The following TENM4 variants were observed in gnomAD, a reference collection of about 807,000 sequenced individuals.
The protein encoded by TENM4 is teneurin transmembrane protein 4.
TENM4 carries 82 observed loss-of-function variants against 243.3 expected under a neutral mutation model. The ratio of observed to expected loss-of-function variants is 0.34; its 90% CI spans 0.28 to 0.40. TENM4 has a LOEUF of 0.40. Ranked by LOEUF, TENM4 falls within the 10% of genes least tolerant of loss-of-function variation. The probability of loss-of-function intolerance (pLI) is 1.00; values close to 1 mark genes in which losing one functional copy is unlikely to be tolerated. For synonymous variants in TENM4, 1,412 were observed against 1,456.3 expected (o/e 0.97, Z 0.69); for missense variants, 3,138 against 3,673.3 (o/e 0.85, Z 3.77).
intron 32 of TENM4, among the ~76,000 whole-genome samples, chr11:78,668,114 T>G (rs1215111105): frequency 6.6e-6 from 1 of 152,224 alleles, no homozygotes; most frequent in East Asian, 1.9e-4. Flanking sequence ...AAGTACCTCA[T>G]GAAATGTATT....
intron 1 of TENM4, among the ~76,000 whole-genome samples, chr11:79,387,734 G>C (rs1177953077): frequency 6.6e-6 from 1 of 152,192 alleles, no homozygotes; most frequent in Non-Finnish European, 1.5e-5. Flanking sequence ...GCTGGGTGTG[G>C]TGGCTCATGC....
chr11:79,026,009 T>C (rs1859068833), intron 6 of TENM4, among the ~76,000 whole-genome samples: 1 of 152,150 alleles, frequency 6.6e-6, no homozygotes, highest in African/African-American at 2.4e-5. Context: ...TTTTCTTAAA[T>C]ATTTCTAGAT....
intron 15 of TENM4, among the ~76,000 whole-genome samples, chr11:78,798,106 C>T (rs1464944314): frequency 1.3e-5 from 2 of 152,246 alleles, no homozygotes; most frequent in Non-Finnish European, 2.9e-5. Context: ...TAAAGCATCT[C>T]ACTCAGTCTT....
rs548888310 is a variant in TENM4 at position 78,897,494 on chromosome 11, A to G, written c.749+5774T>C. On this transcript the variant is annotated intron_variant, in intron 7 of 33. Coordinates refer to ENST00000278550, the MANE Select transcript of TENM4 (RefSeq NM_001098816.3). Reference sequence around the variant, plus strand: ...GTGAAGAATGAAGTTAACATGTGCCAAGAACTTAGAACAGCACCTGGCCGT... The same window carrying G: ...GTGAAGAATGAAGTTAACATGTGCCGAGAACTTAGAACAGCACCTGGCCGT... 3.3e-5 allele frequency among the ~76,000 whole-genome samples: 5 copies of G among 152,282 alleles called. No homozygotes were observed. The South Asian group carries it at 1.0e-3, about 32-fold the overall frequency.
intron 4 of TENM4, among the ~76,000 whole-genome samples, chr11:79,109,371 C>G (rs1012905488): frequency 1.3e-5 from 2 of 152,160 alleles, no homozygotes; most frequent in African/African-American, 4.8e-5. Flanking sequence ...GGGGAGCTTC[C>G]TTCAGCCTGA....
At chr11:79,041,599 G>A (rs1031164921) in intron 6 of TENM4, among the ~76,000 whole-genome samples, 1 of 151,480 alleles carries the variant, frequency 6.6e-6, no homozygotes, top group Non-Finnish European at 1.5e-5. Context: ...ATACATTTTT[G>A]TATCTGTTTA....
chr11:79,417,144 G>C (rs1247087339), intron 1 of TENM4, among the ~76,000 whole-genome samples: 1 of 152,168 alleles, frequency 6.6e-6, no homozygotes, highest in Non-Finnish European at 1.5e-5. Flanking sequence ...CTGAAGAAAT[G>C]GCTTAAAAGA....
chr11:79,175,017 C>T (rs1565235925), intron 3 of TENM4, among the ~76,000 whole-genome samples: 2 of 152,180 alleles, frequency 1.3e-5, no homozygotes, highest in Non-Finnish European at 2.9e-5. Flanking sequence ...ATATCTCTAT[C>T]TATACATCTG....
chr11:78,822,410 T>C (rs1250634262), intron 12 of TENM4, among the ~76,000 whole-genome samples: 5 of 152,252 alleles, frequency 3.3e-5, no homozygotes, highest in African/African-American at 1.2e-4. Flanking sequence ...TGGATGGCTT[T>C]AGTGATTGGT....
At chr11:78,933,029 T>C (rs532057261) in intron 6 of TENM4, among the ~76,000 whole-genome samples, 3 of 152,244 alleles carry the variant, frequency 2.0e-5, no homozygotes, top group South Asian at 2.1e-4. Context: ...ACAGGGGAGA[T>C]TGATGTACCC....
At chr11:79,054,587 C>T (rs964855562) in intron 6 of TENM4, among the ~76,000 whole-genome samples, 5 of 151,664 alleles carry the variant, frequency 3.3e-5, no homozygotes, top group Non-Finnish European at 7.4e-5. Flanking sequence ...CAGCCTCGAT[C>T]ACCCAGGCCC....
chr11:79,079,798 C>G (rs1440638973), intron 4 of TENM4, among the ~76,000 whole-genome samples: 2 of 148,632 alleles, frequency 1.3e-5, no homozygotes, highest in Non-Finnish European at 3.0e-5. Flanking sequence ...AGCCGCTGCA[C>G]TCCAGTCTGA....
At chr11:78,886,485 T>C (rs1479223083) in intron 9 of TENM4, among the ~76,000 whole-genome samples, 1 of 152,228 alleles carries the variant, frequency 6.6e-6, no homozygotes, top group Non-Finnish European at 1.5e-5. Flanking sequence ...AAGGGTGGGA[T>C]GGCCTGCACA....
At chr11:79,229,178 T>G (rs1223265547) in intron 2 of TENM4, among the ~76,000 whole-genome samples, 1 of 152,250 alleles carries the variant, frequency 6.6e-6, no homozygotes, top group Non-Finnish European at 1.5e-5. Flanking sequence ...ATTTTTTGGT[T>G]GCAAAAGCCA....
At chr11:78,873,341 T>A (rs149648842) in intron 9 of TENM4, among the ~76,000 whole-genome samples, 8 of 152,330 alleles carry the variant, frequency 5.3e-5, no homozygotes, top group African/African-American at 1.9e-4. Context: ...AGTCATTACT[T>A]GGAAGCTATA....
intron 6 of TENM4, among the ~76,000 whole-genome samples, chr11:78,993,261 C>T (rs754562993): frequency 6.6e-6 from 1 of 152,120 alleles, no homozygotes; most frequent in South Asian, 2.1e-4. Flanking sequence ...GGGGGCATTA[C>T]TAGAAGGAGA....
At chr11:79,241,463 G>C (rs894498591) in intron 2 of TENM4, among the ~76,000 whole-genome samples, 21 of 152,054 alleles carry the variant, frequency 1.4e-4, no homozygotes, top group Admixed American at 3.3e-4. Flanking sequence ...AGTTGGAGGG[G>C]ACCCCGATGA....
Position 79,064,947 on chromosome 11 carries a change from A to G in TENM4, c.284T>C (p.Leu95Pro). The change falls in exon 6 of 34, where the codon CTG (leucine) becomes CCG (proline). Residue 95 changes from leucine (L) to proline (P), a missense_variant. This residue lies in a region of TENM4 where 671 missense variants were observed against 614.1 expected (regional missense o/e 1.09). Transcript: ENST00000278550. ...LEEVTPPHGT[L>P]YRTDIGLPHC... ...GGGGAGGCCAATGTCTGTCCGGTAC[A>G]GGGTCCCGTGAGGGGGCGTTACTTC... 2 of 1,505,116 alleles carry G rather than the reference A, an allele frequency of 1.3e-6. No homozygotes were observed. The highest frequency in any genetic ancestry group is 1.4e-5 in the African/African-American group (1 of 71,994). 93.2% of individuals were successfully genotyped at this position (1,505,116 alleles called of 1,614,324 possible). A position where few individuals can be genotyped will look rare whatever the true frequency, so the allele number is the denominator to read the frequency against.
intron 1 of TENM4, among the ~76,000 whole-genome samples, chr11:79,416,006 C>T (rs1225093955): frequency 6.6e-6 from 1 of 152,114 alleles, no homozygotes; most frequent in Non-Finnish European, 1.5e-5. Flanking sequence ...GCTTTTGAGT[C>T]TGGCTTTTTC....
Sources: allele counts gnomAD v4.1 joint callset (sites outside exome capture counted in the v4.1 genomes callset), GRCh38; gene constraint gnomAD v4.1.1; regional missense constraint gnomAD v4.1.1; transcripts MANE v1.5; gene names NCBI Gene and HGNC (gene_info 2026-07-23, HGNC 2026-07-21).